CHST11: variants seen among roughly 807,000 people sequenced by gnomAD.
The protein encoded by CHST11 is carbohydrate sulfotransferase 11.
CHST11 carries 9 observed loss-of-function variants against 30.4 expected under a neutral mutation model. The ratio of observed to expected loss-of-function variants is 0.30; its 90% CI spans 0.18 to 0.52. CHST11 has a LOEUF of 0.52. Among genes scored for constraint, CHST11 ranks in the 20% least tolerant of loss-of-function variants. The probability of loss-of-function intolerance (pLI) is 0.97; values close to 1 mark genes in which losing one functional copy is unlikely to be tolerated. For missense variants in CHST11, 348 were observed against 460.6 expected (o/e 0.76, Z 2.24); for synonymous variants, 152 against 187.8 (o/e 0.81, Z 1.56).
intron 1 of CHST11, among the ~76,000 whole-genome samples, chr12:104,572,299 C>T (rs1409426483): frequency 6.6e-6 from 1 of 151,874 alleles, no homozygotes; most frequent in African/African-American, 2.4e-5. Context: ...GTACCAGCTC[C>T]TCCTTGTACC....
intron 2 of CHST11, among the ~76,000 whole-genome samples, chr12:104,717,362 G>A (rs75668461): frequency 2.2e-3 from 331 of 152,278 alleles, no homozygotes; most frequent in African/African-American, 7.7e-3. Flanking sequence ...ACTTAGACCA[G>A]CGCTTCCTTC....
chr12:104,573,876 A>C (rs920839930), intron 1 of CHST11, among the ~76,000 whole-genome samples: 1 of 152,234 alleles, frequency 6.6e-6, no homozygotes, highest in Non-Finnish European at 1.5e-5. Flanking sequence ...TAATGAAACT[A>C]AAGACCTTCT....
chr12:104,544,134 A>AG (rs1555231329), intron 1 of CHST11, among the ~76,000 whole-genome samples: 11 of 22,396 alleles, frequency 4.9e-4, no homozygotes, highest in African/African-American at 1.1e-3. Context: ...TTAAAAAAAA[A>AG]AAAAAAAGAA....
At chr12:104,476,113 A>T (rs1327213733) in intron 1 of CHST11, among the ~76,000 whole-genome samples, 1 of 109,192 alleles carries the variant, frequency 9.2e-6, no homozygotes, top group East Asian at 2.4e-4. Context: ...ATAAATATAA[A>T]TAATAATATA....
At chr12:104,482,983 C>T (rs1257931816) in intron 1 of CHST11, among the ~76,000 whole-genome samples, 3 of 152,124 alleles carry the variant, frequency 2.0e-5, no homozygotes, top group East Asian at 1.9e-4. Context: ...AGTGCTGATT[C>T]GGGTCACCAC....
intron 2 of CHST11, among the ~76,000 whole-genome samples, chr12:104,724,092 A>G (rs1050167152): frequency 6.6e-6 from 1 of 152,224 alleles, no homozygotes; most frequent in Non-Finnish European, 1.5e-5. Context: ...TCTGTTGAAA[A>G]TAGATTATAG....
chr12:104,549,477 G>A (rs1204381872), intron 1 of CHST11, among the ~76,000 whole-genome samples: 1 of 152,166 alleles, frequency 6.6e-6, no homozygotes, highest in Non-Finnish European at 1.5e-5. Flanking sequence ...CAGATTTTAT[G>A]TCCTGTTGTC....
At chr12:104,520,510 A>G (rs1360234284) in intron 1 of CHST11, among the ~76,000 whole-genome samples, 1 of 151,966 alleles carries the variant, frequency 6.6e-6, no homozygotes, top group East Asian at 1.9e-4. Context: ...AACAAAACAA[A>G]ACAAAAAAAA....
intron 1 of CHST11, among the ~76,000 whole-genome samples, chr12:104,512,596 A>G (rs1230665291): frequency 6.6e-6 from 1 of 152,326 alleles, no homozygotes; most frequent in East Asian, 1.9e-4. Flanking sequence ...GGTTTGGGAA[A>G]CTAATTATAG....
At chr12:104,631,296 A>C (rs1026692897) in intron 2 of CHST11, among the ~76,000 whole-genome samples, 1 of 152,198 alleles carries the variant, frequency 6.6e-6, no homozygotes, top group African/African-American at 2.4e-5. Flanking sequence ...ACTCTTCCTC[A>C]GACCTCATAG....
chr12:104,698,803 T>C (rs926577003), intron 2 of CHST11, among the ~76,000 whole-genome samples: 1 of 152,240 alleles, frequency 6.6e-6, no homozygotes, highest in Admixed American at 6.5e-5. Context: ...ATATTCTTTA[T>C]TATTAATCAG....
At chr12:104,635,644 C>T (rs1002031273) in intron 2 of CHST11, among the ~76,000 whole-genome samples, 3 of 152,232 alleles carry the variant, frequency 2.0e-5, no homozygotes, top group African/African-American at 7.2e-5. Context: ...GCCACATCTG[C>T]CATCTCTGAC....
At chr12:104,639,582 G>A (rs1480405060) in intron 2 of CHST11, among the ~76,000 whole-genome samples, 3 of 152,180 alleles carry the variant, frequency 2.0e-5, no homozygotes, top group South Asian at 2.1e-4. Flanking sequence ...TGGGATAGAG[G>A]AGCAAGGTGG....
At chr12:104,624,911 C>T (rs934025050) in intron 2 of CHST11, among the ~76,000 whole-genome samples, 2 of 152,194 alleles carry the variant, frequency 1.3e-5, no homozygotes, top group Admixed American at 6.5e-5. Flanking sequence ...CCACGGTGCC[C>T]GTGCACTCCT....
chr12:104,627,805 TGGA>T (rs2039231242), intron 2 of CHST11, among the ~76,000 whole-genome samples: 1 of 152,262 alleles, frequency 6.6e-6, no homozygotes, highest in East Asian at 1.9e-4. Flanking sequence ...ATGGTGGTGG[TGGA>T]GGATGACAGA....
chr12:104,712,919 T>C (rs1180164879), intron 2 of CHST11, among the ~76,000 whole-genome samples: 1 of 152,050 alleles, frequency 6.6e-6, no homozygotes, highest in Admixed American at 6.6e-5. Context: ...GGGATTGTTA[T>C]TTTAGGAGAC....
intron 2 of CHST11, among the ~76,000 whole-genome samples, chr12:104,712,619 C>T (rs535521976): frequency 6.6e-6 from 1 of 152,086 alleles, no homozygotes; most frequent in East Asian, 1.9e-4. Context: ...GAGCTGGCCA[C>T]GTCTACACTA....
At chr12:104,742,777 C>T (rs965413543) in intron 2 of CHST11, among the ~76,000 whole-genome samples, 1 of 152,224 alleles carries the variant, frequency 6.6e-6, no homozygotes, top group African/African-American at 2.4e-5. Context: ...TTGGCGCCCT[C>T]CCCCTCCAGC....
chr12:104,491,764 A>C (rs2037749440), intron 1 of CHST11, among the ~76,000 whole-genome samples: 1 of 152,078 alleles, frequency 6.6e-6, no homozygotes, highest in Admixed American at 6.6e-5. Flanking sequence ...GGTGTGAGCT[A>C]CTATACTCGG....
Sources: gnomAD v4.1 joint callset for allele counts (sites outside exome capture counted in the v4.1 genomes callset) on GRCh38, gnomAD v4.1.1 for gene constraint, MANE v1.5 for transcripts, NCBI Gene and HGNC (gene_info 2026-07-23, HGNC 2026-07-21) for gene names.